The following RSF1 variants were observed in gnomAD, a reference collection of about 807,000 sequenced individuals.
The protein encoded by RSF1 is remodeling and spacing factor 1, also known as HBV pX-associated protein 8.
A neutral mutation model predicts 145.2 loss-of-function variants in RSF1; 13 were observed. The observed-to-expected ratio is 0.09, with a 90% confidence interval of 0.06 to 0.14. The LOEUF (loss-of-function observed/expected upper bound fraction) is 0.14. RSF1 is among the 10% of genes least tolerant of loss of function. RSF1 has a pLI of 1.00. For missense variants in RSF1, 1,517 were observed against 1,718.2 expected (o/e 0.88, Z 2.07); for synonymous variants, 577 against 592.6 (o/e 0.97, Z 0.38).
intron 1 of RSF1, among the ~76,000 whole-genome samples, chr11:77,792,746 A>AC (rs1948532391): frequency 6.6e-6 from 1 of 152,164 alleles, no homozygotes; most frequent in Non-Finnish European, 1.5e-5. Context: ...TGAAAAAAAA[A>AC]AAAAACTGCC....
At chr11:77,714,588 T>A (rs1397331893) in intron 5 of RSF1, among the ~76,000 whole-genome samples, 1 of 152,194 alleles carries the variant, frequency 6.6e-6, no homozygotes, top group Non-Finnish European at 1.5e-5. Flanking sequence ...CTCACACCTG[T>A]AATCCCACTT....
the RSF1 span, among the ~76,000 whole-genome samples, chr11:77,831,341 T>C: frequency 1.3e-5 from 2 of 152,206 alleles, no homozygotes; most frequent in African/African-American, 2.4e-5. Context: ...GTTCCTTTCC[T>C]AGCTATACCC....
chr11:77,681,755 T>C (rs1406394433), intron 11 of RSF1, among the ~76,000 whole-genome samples: 1 of 152,250 alleles, frequency 6.6e-6, no homozygotes, highest in East Asian at 1.9e-4. Context: ...TGTTATACTT[T>C]TCTGATTTCA....
the RSF1 span, among the ~76,000 whole-genome samples, chr11:77,834,634 C>T: frequency 3.9e-5 from 6 of 151,922 alleles, no homozygotes; most frequent in African/African-American, 9.7e-5. Flanking sequence ...AGGCTGATCT[C>T]GAACTCCTGA....
At position 77,820,670 on chromosome 11, in the gene RSF1, G is replaced by A. The variant is rs890260777; in HGVS notation, c.45C>T (p.Gly15=). Residue 15 remains glycine (G), a synonymous_variant, in exon 1 of 16, where the codon GGC becomes GGT. Transcript: ENST00000308488. ...CGAAGTTGGGGCACGAACCCGGGCA[G>A]CCCGGAGGAGCCATCACCGCCGCCG... The part of the protein sequence containing the change: ...AAAAAVMAPP[G]CPGSCPNFAV... The A allele has an allele frequency of 1.9e-6, 3 of 1,555,406 alleles. No homozygotes were observed. Among genetic ancestry groups the A allele is most frequent in the African/African-American group, 1.4e-5 (1 of 73,546 alleles).
At chr11:77,806,814 G>A (rs555408470) in intron 1 of RSF1, among the ~76,000 whole-genome samples, 1 of 151,888 alleles carries the variant, frequency 6.6e-6, no homozygotes, top group East Asian at 1.9e-4. Flanking sequence ...TGAGAATTCA[G>A]TAATGTATAT....
chr11:77,850,817 C>T, the RSF1 span: 1 of 151,944 alleles, frequency 6.6e-6, no homozygotes, highest in African/African-American at 2.4e-5. Flanking sequence ...TACACTCACA[C>T]TTTGTCCCCC....
At chr11:77,843,576 T>C in the RSF1 span, among the ~76,000 whole-genome samples, 1 of 152,164 alleles carries the variant, frequency 6.6e-6, no homozygotes, top group Non-Finnish European at 1.5e-5. Context: ...CCACTGTACA[T>C]GTGCACAGAT....
At chr11:77,768,874 G>A (rs1305520706) in intron 1 of RSF1, among the ~76,000 whole-genome samples, 3 of 152,180 alleles carry the variant, frequency 2.0e-5, no homozygotes, top group South Asian at 2.1e-4. Flanking sequence ...CAGGATGATC[G>A]AAATGTTCTA....
the RSF1 span, among the ~76,000 whole-genome samples, chr11:77,837,554 G>A: frequency 6.6e-6 from 1 of 151,810 alleles, no homozygotes; most frequent in African/African-American, 2.4e-5. Context: ...TCCTGCCTCA[G>A]CATCCCGGGT....
chr11:77,807,990 CAAG>C (rs1416253275), intron 1 of RSF1, among the ~76,000 whole-genome samples: 1 of 152,046 alleles, frequency 6.6e-6, no homozygotes, highest in Non-Finnish European at 1.5e-5. Context: ...CCAAAATATT[CAAG>C]AAGAAAATTA....
At chr11:77,715,778 G>GA (rs1960793562) in intron 5 of RSF1, among the ~76,000 whole-genome samples, 1 of 151,564 alleles carries the variant, frequency 6.6e-6, no homozygotes. Flanking sequence ...AAAAATAGTA[G>GA]TTTTTTTTCC....
In RSF1 at chr11:77,734,679, C is replaced by T. The variant is rs111522697; in HGVS notation, c.578+6052G>A. On this transcript the variant is annotated intron_variant, in intron 4 of 15. Transcript: ENST00000308488. ...TGTCAGTGGCCAATTTGTGCAGTTC[C>T]AGTAGTGACTGATTCACATTTTTTT... 852 of 1,397,456 alleles carry T rather than the reference C, an allele frequency of 6.1e-4. 4 individuals carry two copies. In the East Asian group the frequency reaches 6.7e-3, roughly 11 times the overall value. The allele number at this position is 1,397,456 out of a possible 1,614,324, so 86.6% of individuals were successfully genotyped here. A position where few individuals can be genotyped will look rare whatever the true frequency, so the allele number is the denominator to read the frequency against.
chr11:77,770,123 C>T (rs1426815978), intron 1 of RSF1, among the ~76,000 whole-genome samples: 5 of 152,124 alleles, frequency 3.3e-5, no homozygotes. Flanking sequence ...AGCAAAGAAA[C>T]AGCTCAAGAC....
intron 5 of RSF1, among the ~76,000 whole-genome samples, chr11:77,710,865 T>C (rs1960661591): frequency 6.6e-6 from 1 of 152,208 alleles, no homozygotes; most frequent in African/African-American, 2.4e-5. Flanking sequence ...GATACGTATT[T>C]GACTCTTTGA....
intron 1 of RSF1, among the ~76,000 whole-genome samples, chr11:77,792,633 T>C (rs1590890151): frequency 1.3e-5 from 2 of 151,890 alleles, no homozygotes; most frequent in Admixed American, 6.6e-5. Context: ...TGACGTTGTT[T>C]AGAGCCAAAG....
chr11:77,707,617 A>G (rs979176213), intron 5 of RSF1, among the ~76,000 whole-genome samples: 1 of 152,236 alleles, frequency 6.6e-6, no homozygotes, highest in Non-Finnish European at 1.5e-5. Context: ...AAGCAGTGAG[A>G]TTTTTAATTT....
intron 1 of RSF1, among the ~76,000 whole-genome samples, chr11:77,787,851 C>T (rs563236023): frequency 1.3e-4 from 15 of 116,804 alleles, no homozygotes; most frequent in Admixed American, 1.8e-4. Flanking sequence ...AAAAAAAGTT[C>T]GAGTGCTGTG....
At chr11:77,813,716 A>G (rs765535628) in intron 1 of RSF1, 3 of 417,092 alleles carry the variant, frequency 7.2e-6, no homozygotes, top group Non-Finnish European at 1.4e-5. Flanking sequence ...TTCCTCGGCG[A>G]GAGCGAACAG....
Sources: allele counts gnomAD v4.1 joint callset (sites outside exome capture counted in the v4.1 genomes callset), GRCh38; gene constraint gnomAD v4.1.1; transcripts MANE v1.5; gene names NCBI Gene and HGNC (gene_info 2026-07-23, HGNC 2026-07-21).